Variants in N4BP2 observed in about 807,000 individuals in gnomAD.
N4BP2 encodes NEDD4-binding protein 2.
A neutral mutation model predicts 152.8 loss-of-function variants in N4BP2; 91 were observed. That is an observed-to-expected ratio of 0.60 (90% confidence interval 0.50 to 0.71). The LOEUF (loss-of-function observed/expected upper bound fraction) is 0.71. Among genes scored for constraint, N4BP2 ranks in the 30% least tolerant of loss-of-function variants. The pLI is 0.00. For synonymous variants in N4BP2, 646 were observed against 705.3 expected, an observed-to-expected ratio of 0.92 and a Z score of 1.33; for missense variants, 1,923 against 2,059.1, an observed-to-expected ratio of 0.93 and a Z score of 1.28.
chr4:40,062,879 T>C (rs1361683203), intron 1 of N4BP2, among the ~76,000 whole-genome samples: 2 of 152,234 alleles, frequency 1.3e-5, no homozygotes, highest in Non-Finnish European at 2.9e-5. Context: ...GGGCCTCCTC[T>C]TTGTGTCCTT....
At chr4:40,076,656 T>C (rs1712770085) in intron 2 of N4BP2, among the ~76,000 whole-genome samples, 2 of 152,040 alleles carry the variant, frequency 1.3e-5, no homozygotes, top group South Asian at 2.1e-4. Flanking sequence ...GCCTGGCTAA[T>C]TTTTTGTATT....
chr4:40,064,429 C>G (rs1238625645), intron 1 of N4BP2, among the ~76,000 whole-genome samples: 2 of 152,014 alleles, frequency 1.3e-5, no homozygotes, highest in African/African-American at 4.8e-5. Flanking sequence ...CGCGCACCAC[C>G]ACGCCTGGCT....
In N4BP2 at chr4:40,082,338, C is replaced by T. The variant is rs1713469179; in HGVS notation, c.-115+8787C>T. Among the ~76,000 whole-genome samples, 4 of 150,890 alleles carry T rather than the reference C, an allele frequency of 2.7e-5. No homozygotes were observed. In the South Asian group the frequency reaches 6.3e-4, roughly 24 times the overall value. ...CTTTTTAAATGGCTGTCTAAATTTC[C>T]ATTATGTCAATCTAAAGAGGTGTTG... is the stretch of plus-strand genomic sequence containing the variant. On this transcript the variant is annotated intron_variant, in intron 2 of 17. Transcript: ENST00000261435.
intron 1 of N4BP2, among the ~76,000 whole-genome samples, chr4:40,070,796 A>C (rs528762098): frequency 6.6e-6 from 1 of 151,352 alleles, no homozygotes; most frequent in East Asian, 1.9e-4. Flanking sequence ...TGTTCCAAAA[A>C]TGTTTTTGAT....
chr4:40,186,371 T>C, the N4BP2 span, among the ~76,000 whole-genome samples: 6 of 152,004 alleles, frequency 3.9e-5, no homozygotes, highest in Non-Finnish European at 7.4e-5. Flanking sequence ...CTCAATGAAA[T>C]TAAGAAAAAT....
chr4:40,159,005 A>G (rs1370173565), downstream of N4BP2, among the ~76,000 whole-genome samples: 2 of 152,220 alleles, frequency 1.3e-5, no homozygotes, highest in African/African-American at 2.4e-5. Flanking sequence ...GACTTATACT[A>G]TGGGATACTC....
chr4:40,184,359 CT>C, the N4BP2 span, among the ~76,000 whole-genome samples: 184 of 146,832 alleles, frequency 1.3e-3, no homozygotes, highest in African/African-American at 2.8e-3. Context: ...CTTCATCTGC[CT>C]TTTTTTTTTT....
chr4:40,084,208 C>T (rs1713691714), intron 2 of N4BP2, among the ~76,000 whole-genome samples: 1 of 152,178 alleles, frequency 6.6e-6, no homozygotes, highest in Non-Finnish European at 1.5e-5. Flanking sequence ...GCCTTGGCCT[C>T]TCAAAGTACT....
chr4:40,151,641 A>C (rs1346593276), intron 16 of N4BP2, among the ~76,000 whole-genome samples: 1 of 152,212 alleles, frequency 6.6e-6, no homozygotes, highest in Non-Finnish European at 1.5e-5. Context: ...TATATAGTGC[A>C]AAAACTTTGT....
At chr4:40,135,759 G>A (rs1719327514) in intron 13 of N4BP2, among the ~76,000 whole-genome samples, 1 of 151,996 alleles carries the variant, frequency 6.6e-6, no homozygotes, top group Non-Finnish European at 1.5e-5. Context: ...TAGAGACAGG[G>A]TTTCACCATG....
chr4:40,164,792 T>C, the N4BP2 span, among the ~76,000 whole-genome samples: 2 of 152,182 alleles, frequency 1.3e-5, no homozygotes, highest in East Asian at 1.9e-4. Flanking sequence ...ATTTAATCCA[T>C]CTGAATTTAT....
intron 13 of N4BP2, among the ~76,000 whole-genome samples, chr4:40,133,037 A>C (rs1013944451): frequency 9.9e-5 from 15 of 152,090 alleles, no homozygotes; most frequent in Non-Finnish European, 1.8e-4. Context: ...TCTGCTGTGG[A>C]AAGTTTAAAG....
the N4BP2 span, among the ~76,000 whole-genome samples, chr4:40,171,799 GTC>G: frequency 6.6e-6 from 1 of 152,192 alleles, no homozygotes; most frequent in Admixed American, 6.5e-5. Flanking sequence ...GCAGCCTTCT[GTC>G]TGTAGTCAAA....
At chr4:40,079,542 T>C (rs372581481) in intron 2 of N4BP2, among the ~76,000 whole-genome samples, 4 of 152,216 alleles carry the variant, frequency 2.6e-5, no homozygotes, top group African/African-American at 7.2e-5. Context: ...ATAACACTAT[T>C]AGAGATCATG....
intron 1 of N4BP2, among the ~76,000 whole-genome samples, chr4:40,061,515 C>T (rs1733649936): frequency 6.6e-6 from 1 of 151,634 alleles, no homozygotes; most frequent in African/African-American, 2.4e-5. Flanking sequence ...CAGATGTGCA[C>T]CACCACGCCC....
At chr4:40,127,141 GC>G (rs1718481977) in intron 12 of N4BP2, among the ~76,000 whole-genome samples, 1 of 151,100 alleles carries the variant, frequency 6.6e-6, no homozygotes, top group South Asian at 2.1e-4. Context: ...CACCTGCCTT[GC>G]CCTCCCAAAA....
chr4:40,121,180 T>C lies in N4BP2; in HGVS notation c.3069T>C (p.Ala1023=), dbSNP rs1184883641. 1 of 1,614,164 alleles carries C rather than the reference T, an allele frequency of 6.2e-7. No individual in the cohort carries two copies. The highest frequency in any genetic ancestry group is 2.2e-5 in the East Asian group (1 of 44,888). The change falls in exon 9 of 18, where the codon GCT becomes GCC. Residue 1023 remains alanine, a synonymous_variant. Transcript: ENST00000261435. ...MCTQTEPQDF[A]LLWKIEKNKI... The stretch of plus-strand genomic sequence containing the variant: ...CCCAGACTGAACCACAGGATTTTGC[T>C]CTTTTATGGAAAATAGAAAAGAATA...
In N4BP2 at chr4:40,090,952, A is replaced by AAAAAAAAAAAGTTGT; in HGVS notation, c.-114-6274_-114-6273insAAAAAAAAAGTTGTA. On this transcript the variant is annotated intron_variant, in intron 2 of 17. Transcript: ENST00000261435. ...AGTCTCAAAAAAAAAAAAAAAAAAA[A>AAAAAAAAAAAGTTGT]AGTTTATAAGATCCTATTGAGGTTA... Among the ~76,000 whole-genome samples, 3 of 100,074 alleles carry AAAAAAAAAAAGTTGT rather than the reference A, an allele frequency of 3.0e-5. 1 individual carries two copies. The highest frequency in any genetic ancestry group is 7.3e-4 in the East Asian group (2 of 2,734). The allele number at this position is 100,074 out of a possible 152,430, so 65.7% of individuals were successfully genotyped here. A position where few individuals can be genotyped will look rare whatever the true frequency, so the allele number is the denominator to read the frequency against.
In N4BP2 at chr4:40,096,366, T is replaced by C. The variant is rs569613074; in HGVS notation, c.-114-861T>C. On this transcript the variant is annotated intron_variant, in intron 2 of 17. Coordinates refer to ENST00000261435, the MANE Select transcript of N4BP2 (RefSeq NM_018177.6). ...AGATACTTGGAGAAAAGTGGTTCAGTAGAGGGAACCAAGGTGTAAAGGTTC... is the reference window on the plus strand; with the variant it reads ...AGATACTTGGAGAAAAGTGGTTCAGCAGAGGGAACCAAGGTGTAAAGGTTC... 2.0e-5 allele frequency among the ~76,000 whole-genome samples: 3 copies of C among 152,226 alleles called. No homozygotes were observed. In the East Asian group the frequency reaches 5.8e-4, roughly 29 times the overall value.
Sources: allele counts gnomAD v4.1 joint callset (sites outside exome capture counted in the v4.1 genomes callset), GRCh38; gene constraint gnomAD v4.1.1; transcripts MANE v1.5; gene names NCBI Gene and HGNC (gene_info 2026-07-23, HGNC 2026-07-21).